Variants in ATP11A observed in about 807,000 individuals in gnomAD.
ATP11A encodes the protein ATPase phospholipid transporting 11A.
Under a neutral mutation model 154.4 loss-of-function variants are expected in ATP11A, and 81 were observed. The observed-to-expected ratio is 0.52, with a 90% CI of 0.44 to 0.63. The LOEUF is 0.63. Ranked by LOEUF, ATP11A falls within the 30% of genes least tolerant of loss-of-function variation. The pLI is 0.00. For missense variants in ATP11A, 1,316 were observed against 1,474.3 expected, an observed-to-expected ratio of 0.89 and a Z score of 1.76; for synonymous variants, 623 against 585.9, an observed-to-expected ratio of 1.06 and a Z score of -0.91.
intron 23 of ATP11A, 108 bp from the exon 24 acceptor site, chr13:112,860,179 G>T: frequency 1.6e-6 from 2 of 1,283,162 alleles, no homozygotes; most frequent in Non-Finnish European, 2.2e-6. Context: ...TTTGAAAAGC[G>T]CTCTGGTCTT....
intron 1 of ATP11A, among the ~76,000 whole-genome samples, chr13:112,706,480 A>G (rs1009456256): frequency 7.2e-5 from 11 of 152,210 alleles, no homozygotes; most frequent in African/African-American, 1.2e-4. Context: ...TGGAACGAGG[A>G]TGTTTTCTGT....
Position 112,855,778 on chromosome 13 carries a change from T to G in ATP11A, c.2244-133T>G, listed in dbSNP as rs2079903997. On this transcript the variant is annotated intron_variant, in intron 19 of 29. Transcript: ENST00000375645. ...ATGTTCAATACTATAAAAATTGTATTGGTAAAACAAGAAACACTAGTTTCT... is the reference window on the plus strand; with the variant it reads ...ATGTTCAATACTATAAAAATTGTATGGGTAAAACAAGAAACACTAGTTTCT... The G allele has an allele frequency of 5.1e-6, 4 of 779,114 alleles. No individual in the cohort carries two copies. In the South Asian group the frequency reaches 8.4e-5, roughly 16 times the overall value. 48.3% of individuals were successfully genotyped at this position (779,114 alleles called of 1,614,324 possible). A position where few individuals can be genotyped will look rare whatever the true frequency, so the allele number is the denominator to read the frequency against.
intron 16 of ATP11A, 107 bp downstream of exon 16, chr13:112,836,358 T>C: frequency 3.3e-6 from 2 of 614,856 alleles, no homozygotes; most frequent in Non-Finnish European, 5.4e-6. Context: ...TTAAGAATGA[T>C]TTATTCTTTT....
At chr13:112,778,277 T>C (rs1297016561) in intron 1 of ATP11A, among the ~76,000 whole-genome samples, 2 of 152,236 alleles carry the variant, frequency 1.3e-5, no homozygotes, top group Non-Finnish European at 2.9e-5. Flanking sequence ...TTGCTGAGCT[T>C]AGCGGCTCTG....
At chr13:112,736,113 T>C (rs1282962700) in intron 1 of ATP11A, among the ~76,000 whole-genome samples, 3 of 152,182 alleles carry the variant, frequency 2.0e-5, no homozygotes, top group African/African-American at 7.2e-5. Context: ...TGGACCATGG[T>C]GCCAGGATGC....
chr13:112,744,889 G>A (rs1329774356), intron 1 of ATP11A, among the ~76,000 whole-genome samples: 2 of 152,196 alleles, frequency 1.3e-5, no homozygotes, highest in Non-Finnish European at 1.5e-5. Context: ...AAATAACAGG[G>A]ATGTCCCTTT....
In ATP11A at chr13:112,826,909, C is replaced by A; in HGVS notation, c.1221+18C>A. Reference sequence around the variant, plus strand: ...TGGGACAGGTTGGTGTCTCCTGAGTCATCTGCTGTGATTTATTAACATCTG... The same window carrying A: ...TGGGACAGGTTGGTGTCTCCTGAGTAATCTGCTGTGATTTATTAACATCTG... On this transcript the variant is annotated intron_variant, in intron 12 of 29. Transcript: ENST00000375645. 1 of 1,613,640 alleles carries A rather than the reference C, an allele frequency of 6.2e-7. No homozygotes were observed. The highest frequency in any genetic ancestry group is 1.1e-5 in the South Asian group (1 of 90,964).
At chr13:112,703,303 C>T (rs1382917571) in intron 1 of ATP11A, 1 of 152,238 alleles carries the variant, frequency 6.6e-6, no homozygotes, top group Admixed American at 6.5e-5. Flanking sequence ...CACACCAATC[C>T]TGTCTGATTA....
At position 112,883,486 on chromosome 13, in the gene ATP11A, G is replaced by A. The variant is rs2080928792; in HGVS notation, c.*1620G>A. 2 of 331,084 alleles carry A rather than the reference G, an allele frequency of 6.0e-6. No homozygotes were observed. Among genetic ancestry groups the A allele is most frequent in the Admixed American group, 4.9e-5 (1 of 20,550 alleles). 20.5% of individuals were successfully genotyped at this position (331,084 alleles called of 1,614,324 possible). A position where few individuals can be genotyped will look rare whatever the true frequency, so the allele number is the denominator to read the frequency against. On this transcript the variant is annotated 3_prime_UTR_variant, in exon 30 of 30. Transcript: ENST00000375645. ...GGCTCCGGCAAGTGAAACCCAGAGG[G>A]TGTTTCCGAGGTGCTCGACAGTAGG... is the stretch of plus-strand genomic sequence containing the variant.
At chr13:112,818,866 C>T (rs1011947416) in intron 6 of ATP11A, among the ~76,000 whole-genome samples, 6 of 152,226 alleles carry the variant, frequency 3.9e-5, no homozygotes. Flanking sequence ...AGTAGAAGGC[C>T]TGTGCCACCC....
intron 5 of ATP11A, among the ~76,000 whole-genome samples, chr13:112,813,994 A>G (rs2140174503): frequency 6.6e-6 from 1 of 152,162 alleles, no homozygotes; most frequent in African/African-American, 2.4e-5. Context: ...ACTCAGCAGG[A>G]TATTTCACAA....
Position 112,696,853 on chromosome 13 carries a change from C to G in ATP11A, c.39+6398C>G, listed in dbSNP as rs1297577750. 1 of 152,332 alleles carries G rather than the reference C, an allele frequency of 6.6e-6. No homozygotes were observed. Among genetic ancestry groups the G allele is most frequent in the Non-Finnish European group, 1.5e-5 (1 of 68,158 alleles). The allele number at this position is 152,332 out of a possible 1,614,324, so 9.4% of individuals were successfully genotyped here. A position where few individuals can be genotyped will look rare whatever the true frequency, so the allele number is the denominator to read the frequency against. ...CAGTGAGCCGGGAAGGACAGAGACCCAAGTCCCATCCCTCTGGGGCCCCCT... is the reference window on the plus strand; with the variant it reads ...CAGTGAGCCGGGAAGGACAGAGACCGAAGTCCCATCCCTCTGGGGCCCCCT... On this transcript the variant is annotated intron_variant, in intron 1 of 29. Transcript: ENST00000375645. This position sits in a 1 kb window ranked among gnomAD's most constrained non-coding sequence, Gnocchi z 6.2.
chr13:112,831,428 G>A lies in ATP11A; in HGVS notation c.1275G>A (p.Glu425=), dbSNP rs2079080791. The change falls in exon 13 of 30, where the codon GAG becomes GAA. Residue 425 remains glutamate (E), a synonymous_variant. Coordinates refer to ENST00000375645, the MANE Select transcript of ATP11A (RefSeq NM_015205.3). ...KTGTLTENNM[E]FKECCIEGHV... Reference sequence around the variant, plus strand: ...GCACCCTCACGGAAAACAACATGGAGTTCAAGGAGTGCTGCATCGAAGGCC... The same window carrying A: ...GCACCCTCACGGAAAACAACATGGAATTCAAGGAGTGCTGCATCGAAGGCC... 1.2e-6 allele frequency: 2 copies of A among 1,614,220 alleles called. No homozygotes were observed. The highest frequency in any genetic ancestry group is 1.7e-6 in the Non-Finnish European group (2 of 1,180,032).
chr13:112,863,439 C>T (rs1594212537), intron 25 of ATP11A, among the ~76,000 whole-genome samples: 2 of 147,644 alleles, frequency 1.4e-5, no homozygotes, highest in East Asian at 2.1e-4. Flanking sequence ...CTGCAGCTTC[C>T]CAGCGGGGTC....
rs1594271733 is a variant in ATP11A, at chr13:112,881,924, C to T, written c.*58C>T. 3.7e-6 allele frequency: 5 copies of T among 1,367,744 alleles called. No homozygotes were observed. Among genetic ancestry groups the T allele is most frequent in the Non-Finnish European group, 4.9e-6 (5 of 1,021,962 alleles). The allele number at this position is 1,367,744 out of a possible 1,614,324, so 84.7% of individuals were successfully genotyped here. On this transcript the variant is annotated 3_prime_UTR_variant, in exon 30 of 30. Transcript: ENST00000375645. ...TCCCTCGGCCGCCTGGTACAGCTCC[C>T]ACTCTCAGCAGGTGACACTCGCGGC...
At chr13:112,699,174 T>C (rs186583624) in intron 1 of ATP11A, among the ~76,000 whole-genome samples, 120 of 152,366 alleles carry the variant, frequency 7.9e-4, no homozygotes, top group African/African-American at 2.6e-3. Context: ...TTTTCACTTA[T>C]TTGCAAGTGC....
chr13:112,778,954 C>T (rs1440958186), intron 1 of ATP11A, among the ~76,000 whole-genome samples: 2 of 125,160 alleles, frequency 1.6e-5, no homozygotes, highest in Non-Finnish European at 3.3e-5. Context: ...GAGGAGTAGC[C>T]GCTGGAGTGA....
At chr13:112,762,246 C>T (rs1480263823) in intron 1 of ATP11A, among the ~76,000 whole-genome samples, 4 of 152,146 alleles carry the variant, frequency 2.6e-5, no homozygotes, top group African/African-American at 9.6e-5. Context: ...GGCCTCCTAT[C>T]ACAGCGAGGT....
chr13:112,748,798 G>A (rs1304057214), intron 1 of ATP11A, among the ~76,000 whole-genome samples: 1 of 152,158 alleles, frequency 6.6e-6, no homozygotes, highest in Non-Finnish European at 1.5e-5. Flanking sequence ...GCAGAAAATG[G>A]TGCTTGTAGA....
Sources: gnomAD v4.1 joint callset for allele counts (sites outside exome capture counted in the v4.1 genomes callset) on GRCh38, gnomAD v4.1.1 for gene constraint, Gnocchi (gnomAD v3.1) non-coding constraint, MANE v1.5 for transcripts, NCBI Gene and HGNC (gene_info 2026-07-23, HGNC 2026-07-21) for gene names.